Variants in LPO observed in about 807,000 individuals in gnomAD.
The protein encoded by LPO is lactoperoxidase, also known as salivary peroxidase.
A neutral mutation model predicts 68.4 loss-of-function variants in LPO; 70 were observed. That is an observed-to-expected ratio of 1.02 (90% CI 0.84 to 1.25). The LOEUF is 1.25. LPO is among the 50% of genes most tolerant of loss of function. LPO has a pLI of 0.00. For synonymous variants in LPO, 360 were observed against 357.6 expected (o/e 1.01, Z -0.08); for missense variants, 873 against 908.4 (o/e 0.96, Z 0.50).
chr17:58,252,023 T>A, intron 7 of LPO, 159 bp from the exon 8 acceptor site: 1 of 762,570 alleles, frequency 1.3e-6, no homozygotes, highest in South Asian at 1.4e-5. Context: ...GAGCCCAGGG[T>A]GTGTAATGTC....
Position 58,267,879 on chromosome 17 carries a change from G to A in LPO, c.2024G>A (p.Arg675His), listed in dbSNP as rs376369411. 2.8e-5 allele frequency: 45 copies of A among 1,614,074 alleles called. No individual in the cohort carries two copies. The highest frequency in any genetic ancestry group is 1.6e-4 in the Middle Eastern group (1 of 6,062). Residue 675 changes from arginine to histidine, a missense_variant, in exon 13 of 13, where the codon CGC (arginine) becomes CAC (histidine). Physicochemically the swap from Arg to His is conservative, Grantham distance 29 (BLOSUM62 0). Transcript: ENST00000262290. ...TCACGCCTTGTCTGTGACAACACCC[G>A]CATCACCAAGGTCCCACGGGACCCA... ...SFSRLVCDNTRITKVPRDPFW... is the reference protein window; with the variant it reads ...SFSRLVCDNTHITKVPRDPFW...
chr17:58,263,066 C>A (rs986629595), intron 9 of LPO, among the ~76,000 whole-genome samples: 1 of 152,138 alleles, frequency 6.6e-6, no homozygotes, highest in Non-Finnish European at 1.5e-5. Context: ...TGAGTAAATT[C>A]TATTGATCTG....
intron 8 of LPO, among the ~76,000 whole-genome samples, chr17:58,253,704 T>C (rs1970007242): frequency 6.6e-6 from 1 of 152,244 alleles, no homozygotes; most frequent in Non-Finnish European, 1.5e-5. Flanking sequence ...GATACCTTTA[T>C]AGATCTTTTG....
chr17:58,254,142 T>TAG (rs1567819833), intron 8 of LPO, among the ~76,000 whole-genome samples: 11 of 88,428 alleles, frequency 1.2e-4, no homozygotes, highest in African/African-American at 4.9e-4. Flanking sequence ...GATATATAGA[T>TAG]ATATAGATAT....
At chr17:58,250,944 A>G in intron 7 of LPO, 1 of 338,412 alleles carries the variant, frequency 3.0e-6, no homozygotes, top group Non-Finnish European at 5.6e-6. Context: ...GGTTGTCTAC[A>G]TTCCCGACCC....
chr17:58,243,256 A>G (rs1031274555), intron 2 of LPO: 1 of 557,068 alleles, frequency 1.8e-6, no homozygotes. Flanking sequence ...TGGCCCTGGT[A>G]TCCTTGGTGT....
At chr17:58,246,815 T>A (rs543259867) in intron 3 of LPO, among the ~76,000 whole-genome samples, 4 of 152,052 alleles carry the variant, frequency 2.6e-5, no homozygotes, top group Non-Finnish European at 4.4e-5. Context: ...CCCAAAATCC[T>A]AGGAAGTACT....
At chr17:58,241,489 G>T (rs1208218329) in intron 1 of LPO, among the ~76,000 whole-genome samples, 1 of 152,088 alleles carries the variant, frequency 6.6e-6, no homozygotes, top group Non-Finnish European at 1.5e-5. Context: ...TGTCTGAAGG[G>T]CAGATTTCTG....
At chr17:58,242,897 G>A in intron 1 of LPO, 81 bp from the exon 2 acceptor site, 5 of 1,191,954 alleles carry the variant, frequency 4.2e-6, no homozygotes, top group Non-Finnish European at 6.2e-6. Flanking sequence ...TGCTCCTTTG[G>A]CTTTCTCTGC....
intron 9 of LPO, among the ~76,000 whole-genome samples, chr17:58,262,471 C>A (rs965852892): frequency 1.3e-5 from 2 of 152,340 alleles, no homozygotes; most frequent in South Asian, 2.1e-4. Context: ...CTCACGGCAA[C>A]CTCCGCCTCC....
chr17:58,246,209 C>T (rs1969850104), intron 3 of LPO, among the ~76,000 whole-genome samples: 1 of 152,094 alleles, frequency 6.6e-6, no homozygotes, highest in Non-Finnish European at 1.5e-5. Context: ...ACCGTGGGTG[C>T]TCAGGAAAAG....
Position 58,244,097 on chromosome 17 carries a change from AC to A in LPO, c.164+17del. On this transcript the variant is annotated intron_variant, in intron 3 of 12. Coordinates refer to ENST00000262290, the MANE Select transcript of LPO (RefSeq NM_006151.3). Reference sequence around the variant, plus strand: ...CCCGAACCAGGTACGTGAGACACACACACACACACACACACACACACACACA... The same window carrying A: ...CCCGAACCAGGTACGTGAGACACACAACACACACACACACACACACACACA... 1 of 994,776 alleles carries A rather than the reference AC, an allele frequency of 1.0e-6. No individual in the cohort carries two copies. The highest frequency in any genetic ancestry group is 1.5e-6 in the Non-Finnish European group (1 of 679,296). The allele number at this position is 994,776 out of a possible 1,614,324, so 61.6% of individuals were successfully genotyped here.
intron 2 of LPO, 124 bp from the exon 3 acceptor site, chr17:58,243,870 T>C (rs1191797606): frequency 4.5e-6 from 3 of 670,956 alleles, no homozygotes; most frequent in Admixed American, 2.3e-5. Flanking sequence ...CTAATCTTGA[T>C]CTCCTGCCTA....
chr17:58,255,255 T>C (rs1394420803), intron 9 of LPO, among the ~76,000 whole-genome samples: 1 of 152,216 alleles, frequency 6.6e-6, no homozygotes, highest in Non-Finnish European at 1.5e-5. Flanking sequence ...ACTGGGACTG[T>C]AGGCTCCTTC....
At chr17:58,248,423 A>G (rs1284333133) in intron 4 of LPO, among the ~76,000 whole-genome samples, 1 of 151,856 alleles carries the variant, frequency 6.6e-6, no homozygotes, top group African/African-American at 2.4e-5. Flanking sequence ...AGAAGCCCCC[A>G]TGAGCCAGAT....
intron 9 of LPO, 119 bp downstream of exon 9, chr17:58,255,090 G>A (rs765985393): frequency 1.2e-5 from 12 of 992,030 alleles, no homozygotes; most frequent in South Asian, 8.4e-5. Context: ...CGTTTCCCCC[G>A]GCCCCTCTGC....
intron 3 of LPO, among the ~76,000 whole-genome samples, chr17:58,245,718 A>G (rs1409915044): frequency 1.3e-5 from 2 of 152,166 alleles, no homozygotes; most frequent in East Asian, 1.9e-4. Context: ...CTAGAATTAA[A>G]CTAGCAAAGG....
chr17:58,267,148 T>C (rs1319109938), intron 11 of LPO, among the ~76,000 whole-genome samples: 1 of 152,242 alleles, frequency 6.6e-6, no homozygotes, highest in Non-Finnish European at 1.5e-5. Flanking sequence ...TCATGATTGC[T>C]TAGTGGTTAC....
rs67390833 is a variant in LPO at position 58,244,090 on chromosome 17, GACACACACACAC to G, written c.164+40_164+51del. 0.031 allele frequency: 32,978 copies of G among 1,061,232 alleles called. 302 individuals carry two copies. Among genetic ancestry groups the G allele is most frequent in the South Asian group, 0.077 (5,916 of 76,536 alleles). The allele number at this position is 1,061,232 out of a possible 1,614,324, so 65.7% of individuals were successfully genotyped here. On this transcript the variant is annotated intron_variant, in intron 3 of 12. Coordinates refer to ENST00000262290, the MANE Select transcript of LPO (RefSeq NM_006151.3). ...CTGGACTCCCGAACCAGGTACGTGA[GACACACACACAC>G]ACACACACACACACACACACACACA...
Sources: gnomAD v4.1 joint callset for allele counts (sites outside exome capture counted in the v4.1 genomes callset) on GRCh38, gnomAD v4.1.1 for gene constraint, MANE v1.5 for transcripts, NCBI Gene and HGNC (gene_info 2026-07-23, HGNC 2026-07-21) for gene names.